Variants in COPB1 observed in about 807,000 individuals in gnomAD.
The protein encoded by COPB1 is coatomer subunit beta.
COPB1 carries 21 observed loss-of-function variants against 108.7 expected under a neutral mutation model. The ratio of observed to expected loss-of-function variants is 0.19; its 90% confidence interval spans 0.14 to 0.28. The LOEUF (loss-of-function observed/expected upper bound fraction) is 0.28, where lower values mean the gene tolerates loss of function less well. Ranked by LOEUF, COPB1 falls within the 10% of genes least tolerant of loss-of-function variation. The pLI, the probability that COPB1 is intolerant of heterozygous loss-of-function variation, is 1.00. For missense variants in COPB1, 919 were observed against 1,141.3 expected (o/e 0.81, Z 2.81); for synonymous variants, 378 against 386.8 (o/e 0.98, Z 0.27).
chr11:14,464,787 G>T, intron 18 of COPB1, 124 bp downstream of exon 18: 3 of 1,031,558 alleles, frequency 2.9e-6, no homozygotes, highest in Non-Finnish European at 4.2e-6. Context: ...ACCATAGAGA[G>T]TATCTCATAA....
At chr11:14,475,236 T>C (rs1042360712) in intron 13 of COPB1, among the ~76,000 whole-genome samples, 1 of 152,190 alleles carries the variant, frequency 6.6e-6, no homozygotes, top group Non-Finnish European at 1.5e-5. Context: ...CTTACCTGTT[T>C]ATTTACTGGG....
At chr11:14,485,958 CTCAT>C in intron 7 of COPB1, among the ~76,000 whole-genome samples, 2 of 152,224 alleles carry the variant, frequency 1.3e-5, no homozygotes, top group Non-Finnish European at 1.5e-5. Context: ...ATATTTACTA[CTCAT>C]TAAGAGGAAG....
chr11:14,497,951 A>T (rs1301470942), intron 2 of COPB1, among the ~76,000 whole-genome samples: 2 of 152,268 alleles, frequency 1.3e-5, no homozygotes, highest in Non-Finnish European at 2.9e-5. Flanking sequence ...ATAGAAAGAC[A>T]AACTTCACAT....
At chr11:14,493,850 CT>C in intron 3 of COPB1, 39 bp from the exon 4 acceptor site, 1 of 1,457,266 alleles carries the variant, frequency 6.9e-7, no homozygotes, top group East Asian at 2.5e-5. Context: ...TGAGTTTCAG[CT>C]TTTTACAAAA....
In COPB1 at chr11:14,474,631, G is replaced by A. The variant is rs1435521378; in HGVS notation, c.1617-16C>T. 1.9e-6 allele frequency: 3 copies of A among 1,612,076 alleles called. No individual in the cohort carries two copies. Among genetic ancestry groups the A allele is most frequent in the Admixed American group, 1.7e-5 (1 of 59,728 alleles). Reference sequence around the variant, plus strand: ...CAAGGGAGGTCTGCAAAGCAACCAAGGAAAATCAAACCCACCAACTTGCTA... The same window carrying A: ...CAAGGGAGGTCTGCAAAGCAACCAAAGAAAATCAAACCCACCAACTTGCTA... On this transcript the variant is annotated splice_polypyrimidine_tract_variant and intron_variant, in intron 13 of 21. Coordinates refer to ENST00000439561, the MANE Select transcript of COPB1 (RefSeq NM_001144061.2).
chr11:14,492,500 C>T (rs904707098), intron 4 of COPB1, among the ~76,000 whole-genome samples: 3 of 151,976 alleles, frequency 2.0e-5, no homozygotes, highest in Admixed American at 1.3e-4. Flanking sequence ...TGTGCCACCA[C>T]GCCCAGCTAA....
intron 5 of COPB1, among the ~76,000 whole-genome samples, chr11:14,489,946 T>A (rs184505166): frequency 9.8e-5 from 15 of 152,292 alleles, no homozygotes; most frequent in Admixed American, 9.2e-4. Context: ...GGGAAAAAAG[T>A]CACAGTGTCT....
intron 2 of COPB1, among the ~76,000 whole-genome samples, chr11:14,498,051 T>C (rs551927338): frequency 7.4e-4 from 112 of 152,204 alleles, no homozygotes; most frequent in Admixed American, 1.4e-3. Context: ...AGGGTAGTGG[T>C]AGGGAAGTGG....
At chr11:14,471,646 G>C (rs979843386) in intron 14 of COPB1, among the ~76,000 whole-genome samples, 2 of 152,096 alleles carry the variant, frequency 1.3e-5, no homozygotes, top group Non-Finnish European at 2.9e-5. Flanking sequence ...GGCCAGGCAC[G>C]GTGGCTCATG....
chr11:14,484,526 T>C (rs1482342065), intron 7 of COPB1, among the ~76,000 whole-genome samples: 1 of 152,176 alleles, frequency 6.6e-6, no homozygotes, highest in Non-Finnish European at 1.5e-5. Flanking sequence ...GAGACCATTC[T>C]GGCCAACATG....
rs377345664 is a variant in COPB1 at position 14,470,260 on chromosome 11, T to C, written c.1738-697A>G. Among the ~76,000 whole-genome samples the C allele has an allele frequency of 1.6e-4, 25 of 152,364 alleles. No individual in the cohort carries two copies. In the East Asian group the frequency reaches 4.6e-3, roughly 28 times the overall value. On this transcript the variant is annotated intron_variant, in intron 14 of 21. Coordinates refer to ENST00000439561, the MANE Select transcript of COPB1 (RefSeq NM_001144061.2). ...TAAAGAACTGAGGCCAGTTGTTTTA[T>C]AGAATATCCCACACTTTTGATTAGA... is the stretch of plus-strand genomic sequence containing the variant.
At chr11:14,476,862 G>T (rs1288740308) in intron 12 of COPB1, 57 bp downstream of exon 12, 5 of 1,119,492 alleles carry the variant, frequency 4.5e-6, no homozygotes, top group Non-Finnish European at 6.7e-6. Context: ...TAAAAAGTCA[G>T]ATTTTCCTAA....
chr11:14,465,101 AC>A (rs1850257436), intron 17 of COPB1, 71 bp from the exon 18 acceptor site: 1 of 1,190,256 alleles, frequency 8.4e-7, no homozygotes, highest in East Asian at 2.9e-5. Flanking sequence ...ACACACACAC[AC>A]ACACACACTA....
chr11:14,477,560 T>C (rs897805709), intron 11 of COPB1, among the ~76,000 whole-genome samples: 1 of 150,738 alleles, frequency 6.6e-6, no homozygotes, highest in Non-Finnish European at 1.5e-5. Context: ...GGCATGGTGA[T>C]GCACATCTGT....
rs891099331 is a variant in COPB1, at chr11:14,466,190, G to A, written c.2290+92C>T. The A allele has an allele frequency of 2.5e-5, 31 of 1,232,882 alleles. No homozygotes were observed. In the African/African-American group the frequency reaches 4.1e-4, roughly 16 times the overall value. 76.4% of individuals were successfully genotyped at this position (1,232,882 alleles called of 1,614,324 possible). Reference sequence around the variant, plus strand: ...TCAAAATGTCAGAAAAGGTTCAAGAGAATTTTTATACTGAAACCTGTGCAC... The same window carrying A: ...TCAAAATGTCAGAAAAGGTTCAAGAAAATTTTTATACTGAAACCTGTGCAC... On this transcript the variant is annotated intron_variant, in intron 17 of 21. Transcript: ENST00000439561.
intron 8 of COPB1, among the ~76,000 whole-genome samples, chr11:14,481,393 G>A (rs976397106): frequency 3.9e-5 from 6 of 152,162 alleles, no homozygotes; most frequent in Admixed American, 1.3e-4. Context: ...GCTAAACAAC[G>A]TAAGAAAGTA....
At chr11:14,465,887 T>A (rs1424194481) in intron 17 of COPB1, among the ~76,000 whole-genome samples, 1 of 152,238 alleles carries the variant, frequency 6.6e-6, no homozygotes, top group Non-Finnish European at 1.5e-5. Context: ...AAATGTAATA[T>A]GATTTATTAC....
intron 11 of COPB1, among the ~76,000 whole-genome samples, chr11:14,477,345 G>A (rs576695536): frequency 1.1e-3 from 143 of 127,968 alleles, no homozygotes; most frequent in African/African-American, 4.3e-3. Flanking sequence ...AGCCAAGATC[G>A]CGCCACTGCA....
At chr11:14,488,260 T>C (rs1046760990) in intron 6 of COPB1, among the ~76,000 whole-genome samples, 2 of 152,212 alleles carry the variant, frequency 1.3e-5, no homozygotes. Context: ...GCTCAAGCCA[T>C]GAATTTTTAT....
Sources: allele counts gnomAD v4.1 joint callset (sites outside exome capture counted in the v4.1 genomes callset), GRCh38; gene constraint gnomAD v4.1.1; transcripts MANE v1.5; gene names NCBI Gene and HGNC (gene_info 2026-07-23, HGNC 2026-07-21).